PGLYRP3: variants seen among roughly 807,000 people sequenced by gnomAD.
PGLYRP3 encodes the protein peptidoglycan recognition protein I alpha.
A neutral mutation model predicts 36.0 loss-of-function variants in PGLYRP3; 39 were observed. That is an observed-to-expected ratio of 1.08 (90% CI 0.84 to 1.41). The LOEUF is 1.41. Among genes scored for constraint, PGLYRP3 ranks in the 40% most tolerant of loss-of-function variants. The pLI is 0.00. For missense variants in PGLYRP3, 407 were observed against 427.9 expected (o/e 0.95, Z 0.43); for synonymous variants, 204 against 172.8 (o/e 1.18, Z -1.42).
chr1:153,301,386 T>C (rs150544847), intron 6 of PGLYRP3, among the ~76,000 whole-genome samples: 3 of 152,180 alleles, frequency 2.0e-5, no homozygotes, highest in Non-Finnish European at 2.9e-5. Context: ...GGGTTACAGG[T>C]GACATATCAT....
At chr1:153,311,335 C>A (rs1287972713) in intron 1 of PGLYRP3, among the ~76,000 whole-genome samples, 2 of 152,188 alleles carry the variant, frequency 1.3e-5, no homozygotes, top group Non-Finnish European at 1.5e-5. Context: ...TGGATATTCA[C>A]TAAGTAGTCT....
chr1:153,305,277 T>C (rs935091254), intron 3 of PGLYRP3, among the ~76,000 whole-genome samples: 35 of 152,204 alleles, frequency 2.3e-4, no homozygotes, highest in African/African-American at 8.2e-4. Flanking sequence ...GCATGTGTTT[T>C]CCAGAACCTC....
chr1:153,298,420 C>T (rs1450604354), intron 7 of PGLYRP3, among the ~76,000 whole-genome samples: 1 of 152,142 alleles, frequency 6.6e-6, no homozygotes, highest in Admixed American at 6.5e-5. Context: ...CTTTGGGAGG[C>T]CAAGCAGGCG....
rs1352248155 is a variant in PGLYRP3, at chr1:153,297,323, T to C, written c.*633A>G. ...CTTAAGTAAGGGCTGCATCCAAATATGTACCAGTCCATGTGTGAGCAGAGA... is the reference window on the plus strand; with the variant it reads ...CTTAAGTAAGGGCTGCATCCAAATACGTACCAGTCCATGTGTGAGCAGAGA... On this transcript the variant is annotated 3_prime_UTR_variant, in exon 8 of 8. Coordinates refer to ENST00000683862, the MANE Select transcript of PGLYRP3 (RefSeq NM_052891.3). Among the ~76,000 whole-genome samples the C allele has an allele frequency of 6.7e-6, 1 of 148,588 alleles. No homozygotes were observed. The highest frequency in any genetic ancestry group is 1.5e-5 in the Non-Finnish European group (1 of 67,566).
chr1:153,304,940 C>T lies in PGLYRP3; in HGVS notation c.376+7G>A, dbSNP rs551122917. 1 of 1,610,190 alleles carries T rather than the reference C, an allele frequency of 6.2e-7. No individual in the cohort carries two copies. Among genetic ancestry groups the T allele is most frequent in the African/African-American group, 1.3e-5 (1 of 74,896 alleles). On this transcript the variant is annotated splice_region_variant and intron_variant, in intron 4 of 7. Coordinates refer to ENST00000683862, the MANE Select transcript of PGLYRP3 (RefSeq NM_052891.3). ...CCAGCACAGGGTCCGCAGGGAGTGACCCTTACCTATCTTATTGCCAAAGAA... is the reference window on the plus strand; with the variant it reads ...CCAGCACAGGGTCCGCAGGGAGTGATCCTTACCTATCTTATTGCCAAAGAA...
chr1:153,312,142 T>A (rs753834553), intron 1 of PGLYRP3, among the ~76,000 whole-genome samples: 2 of 152,188 alleles, frequency 1.3e-5, no homozygotes, highest in South Asian at 2.1e-4. Context: ...TGCCCCAAGC[T>A]GGTCATATCA....
chr1:153,297,309 G>T lies in PGLYRP3; in HGVS notation c.*647C>A, dbSNP rs1309218034. Among the ~76,000 whole-genome samples the T allele has an allele frequency of 6.6e-6, 1 of 151,316 alleles. No individual in the cohort carries two copies. The highest frequency in any genetic ancestry group is 1.5e-5 in the Non-Finnish European group (1 of 67,922). ...AAATAATTACAGCCCTTAAGTAAGG[G>T]CTGCATCCAAATATGTACCAGTCCA... On this transcript the variant is annotated 3_prime_UTR_variant, in exon 8 of 8. Coordinates refer to ENST00000683862, the MANE Select transcript of PGLYRP3 (RefSeq NM_052891.3).
In PGLYRP3 at chr1:153,298,051, A is replaced by G; in HGVS notation, c.931T>C (p.Tyr311His). The change falls in exon 8 of 8, where the codon TAC becomes CAC. Residue 311 changes from tyrosine to histidine, a missense_variant. Coordinates refer to ENST00000683862, the MANE Select transcript of PGLYRP3 (RefSeq NM_052891.3). ...AVVEGYLTPN[Y>H]LLMGHSDVVN... ...ACGTCACTGTGGCCCATCAGCAGGT[A>G]GTTTGGAGTCAGGTACCCCTCAACC... 6.2e-7 allele frequency: 1 copy of G among 1,614,046 alleles called. No individual in the cohort carries two copies. The highest frequency in any genetic ancestry group is 1.3e-5 in the African/African-American group (1 of 74,984).
intron 3 of PGLYRP3, among the ~76,000 whole-genome samples, chr1:153,305,753 C>G (rs1479373179): frequency 6.6e-6 from 1 of 152,202 alleles, no homozygotes; most frequent in Non-Finnish European, 1.5e-5. Context: ...AGACACTGAA[C>G]TGAGTCAGGC....
Position 153,306,977 on chromosome 1 carries a change from C to T in PGLYRP3, c.257+89G>A, listed in dbSNP as rs376779640. On this transcript the variant is annotated intron_variant, in intron 3 of 7. Transcript: ENST00000683862. ...CATTACAAAAGCAATGTAAATGAAGCGCAGAAAATAAGAGCCACAGAGAAG... is the reference window on the plus strand; with the variant it reads ...CATTACAAAAGCAATGTAAATGAAGTGCAGAAAATAAGAGCCACAGAGAAG... The T allele has an allele frequency of 2.6e-4, 300 of 1,163,262 alleles. No homozygotes were observed. In the African/African-American group the frequency reaches 5.5e-3, roughly 22 times the overall value. The allele number at this position is 1,163,262 out of a possible 1,614,324, so 72.1% of individuals were successfully genotyped here.
rs768874450 is a variant in PGLYRP3 at position 153,307,206 on chromosome 1, C to A, written c.117G>T (p.Leu39=). The A allele has an allele frequency of 1.2e-6, 2 of 1,611,574 alleles. No homozygotes were observed. The highest frequency in any genetic ancestry group is 2.7e-5 in the African/African-American group (2 of 75,000). The change falls in exon 3 of 8, where the codon CTG becomes CTT. Residue 39 remains leucine, a synonymous_variant. Coordinates refer to ENST00000683862, the MANE Select transcript of PGLYRP3 (RefSeq NM_052891.3). ...TGATGTAGGCCACAGGCAGGGTCAG[C>A]AGGGCCCTGCAGGCGAGCGGTCTTG... is the stretch of plus-strand genomic sequence containing the variant. ...WGARPLACRA[L]LTLPVAYIIT... is the part of the protein sequence containing the mutation.
At chr1:153,305,524 T>C (rs940006652) in intron 3 of PGLYRP3, among the ~76,000 whole-genome samples, 3 of 152,262 alleles carry the variant, frequency 2.0e-5, no homozygotes, top group African/African-American at 7.2e-5. Context: ...TTCTTTATCA[T>C]AGAAATTTGT....
chr1:153,308,238 C>A (rs1659806973), intron 2 of PGLYRP3, among the ~76,000 whole-genome samples: 1 of 152,192 alleles, frequency 6.6e-6, no homozygotes, highest in South Asian at 2.1e-4. Context: ...TCGTGATCCA[C>A]CCTCCTCGGC....
chr1:153,297,561 A>AAAAG lies in PGLYRP3; in HGVS notation c.*391_*394dup, dbSNP rs1553193739. ...AAGGAAGGAAGGAAGGAAAGAAAGA[A>AAAAG]AAAGAAAGAAAGAAAGAAAGAAGAA... On this transcript the variant is annotated 3_prime_UTR_variant, in exon 8 of 8. Coordinates refer to ENST00000683862, the MANE Select transcript of PGLYRP3 (RefSeq NM_052891.3). 1.6e-3 allele frequency among the ~76,000 whole-genome samples: 129 copies of AAAAG among 79,430 alleles called. 3 individuals carry two copies. The highest frequency in any genetic ancestry group is 9.9e-3 in the East Asian group (34 of 3,434). 52.1% of individuals were successfully genotyped at this position (79,430 alleles called of 152,430 possible). A position where few individuals can be genotyped will look rare whatever the true frequency, so the allele number is the denominator to read the frequency against.
chr1:153,303,497 G>A (rs1271795849), intron 5 of PGLYRP3, among the ~76,000 whole-genome samples: 1 of 152,028 alleles, frequency 6.6e-6, no homozygotes, highest in Non-Finnish European at 1.5e-5. Flanking sequence ...TTCATTTTCT[G>A]TCTCTTCTCA....
intron 4 of PGLYRP3, among the ~76,000 whole-genome samples, chr1:153,304,566 G>T (rs77907304): frequency 0.017 from 2,519 of 149,294 alleles, 71 homozygotes; most frequent in African/African-American, 0.059. Context: ...TATACCTCCA[G>T]ATTTCCTTGC....
rs544597913 is a variant in PGLYRP3, at chr1:153,298,079, G to A, written c.903C>T (p.Ala301=). 59 of 1,613,984 alleles carry A rather than the reference G, an allele frequency of 3.7e-5. No homozygotes were observed. The highest frequency in any genetic ancestry group is 3.5e-4 in the South Asian group (32 of 91,072). ...TTGGAGTCAGGTACCCCTCAACCACGGCACACTGGATCAGGTCCTGGGCCG... is the reference window on the plus strand; with the variant it reads ...TTGGAGTCAGGTACCCCTCAACCACAGCACACTGGATCAGGTCCTGGGCCG... ...LEAAQDLIQC[A]VVEGYLTPNY... The change falls in exon 8 of 8, where the codon GCC becomes GCT. Residue 301 remains alanine, a synonymous_variant. Coordinates refer to ENST00000683862, the MANE Select transcript of PGLYRP3 (RefSeq NM_052891.3).
chr1:153,307,221 G>A lies in PGLYRP3; in HGVS notation c.102C>T (p.Leu34=), dbSNP rs142882137. 617 of 1,610,618 alleles carry A rather than the reference G, an allele frequency of 3.8e-4. 1 individual carries two copies. The East Asian group carries it at 6.3e-3, about 16-fold the overall frequency. The part of the protein sequence containing the change: ...VSRKEWGARP[L]ACRALLTLPV... ...GCAGGGTCAGCAGGGCCCTGCAGGC[G>A]AGCGGTCTTGCCCCCCACTCCTTGC... Residue 34 remains leucine, a synonymous_variant, in exon 3 of 8, where the codon CTC becomes CTT. Coordinates refer to ENST00000683862, the MANE Select transcript of PGLYRP3 (RefSeq NM_052891.3).
Position 153,307,954 on chromosome 1 carries a change from T to A in PGLYRP3, c.56-687A>T, listed in dbSNP as rs1209837863. Among the ~76,000 whole-genome samples the A allele has an allele frequency of 2.6e-5, 4 of 151,160 alleles. No homozygotes were observed. The South Asian group carries it at 6.3e-4, about 24-fold the overall frequency. The stretch of plus-strand genomic sequence containing the variant: ...GACACTGTCATGCTGGAGCTGGGAG[T>A]GGAGGACATGTCTTTTCTCTCTGGG... On this transcript the variant is annotated intron_variant, in intron 2 of 7. Transcript: ENST00000683862.
Sources: gnomAD v4.1 joint callset for allele counts (sites outside exome capture counted in the v4.1 genomes callset) on GRCh38, gnomAD v4.1.1 for gene constraint, MANE v1.5 for transcripts, NCBI Gene and HGNC (gene_info 2026-07-23, HGNC 2026-07-21) for gene names.